Variants in RNF13 observed in about 807,000 individuals in gnomAD.
The protein encoded by RNF13 is ring finger protein 13.
RNF13 carries 19 observed loss-of-function variants against 37.7 expected under a neutral mutation model. The observed-to-expected ratio is 0.50, with a 90% CI of 0.35 to 0.74. The LOEUF (loss-of-function observed/expected upper bound fraction) is 0.74, where lower values mean the gene tolerates loss of function less well. Among genes scored for constraint, RNF13 ranks in the 30% least tolerant of loss-of-function variants. RNF13 has a pLI of 0.01. For missense variants in RNF13, 375 were observed against 453.0 expected, an observed-to-expected ratio of 0.83 and a Z score of 1.56; for synonymous variants, 144 against 157.8, an observed-to-expected ratio of 0.91 and a Z score of 0.65.
intron 2 of RNF13, among the ~76,000 whole-genome samples, chr3:149,850,032 T>TCA (rs1251655771): frequency 6.6e-6 from 1 of 151,940 alleles, no homozygotes; most frequent in African/African-American, 2.4e-5. Context: ...CAAGCTGTTG[T>TCA]GCAGTGGCGC....
intron 3 of RNF13, among the ~76,000 whole-genome samples, chr3:149,854,289 A>G (rs184709998): frequency 2.0e-3 from 306 of 152,340 alleles, no homozygotes; most frequent in Admixed American, 2.9e-3. Context: ...AGTAATATAC[A>G]TAAGAAAAAG....
intron 3 of RNF13, among the ~76,000 whole-genome samples, chr3:149,853,441 TGAGAGAGAGAGAGG>T (rs1461846937): frequency 5.4e-5 from 7 of 130,740 alleles, no homozygotes; most frequent in Non-Finnish European, 8.1e-5. Context: ...GCTGTGTGTG[TGAGAGAGAGAGAGG>T]GAGAGAGAGA....
At chr3:149,925,875 C>T (rs1418063714) in intron 8 of RNF13, among the ~76,000 whole-genome samples, 1 of 152,156 alleles carries the variant, frequency 6.6e-6, no homozygotes, top group African/African-American at 2.4e-5. Flanking sequence ...TTATCCAATA[C>T]TTTGTACTGA....
intron 3 of RNF13, among the ~76,000 whole-genome samples, chr3:149,865,896 G>C (rs1724764657): frequency 6.6e-6 from 1 of 152,134 alleles, no homozygotes; most frequent in Admixed American, 6.5e-5. Flanking sequence ...TGAGTCTATA[G>C]AGTAAAGTGA....
At chr3:149,845,549 G>C (rs879870107) in intron 1 of RNF13, among the ~76,000 whole-genome samples, 5 of 151,788 alleles carry the variant, frequency 3.3e-5, no homozygotes, top group Non-Finnish European at 7.4e-5. Flanking sequence ...CTCTGATGTT[G>C]GTACAATATA....
rs555927643 is a variant in RNF13, at chr3:149,823,383, A to C, written c.-17+10030A>C. On this transcript the variant is annotated intron_variant, in intron 1 of 9. Transcript: ENST00000392894. ...GTCATTTATAATTTCACCTAACACC[A>C]ACAAAAGACCAAAAAAGGAGAATCG... 2.0e-5 allele frequency among the ~76,000 whole-genome samples: 3 copies of C among 152,280 alleles called. No homozygotes were observed. In the East Asian group the frequency reaches 5.8e-4, roughly 29 times the overall value.
At chr3:149,861,081 C>A (rs951760451) in intron 3 of RNF13, among the ~76,000 whole-genome samples, 10 of 151,846 alleles carry the variant, frequency 6.6e-5, no homozygotes, top group Admixed American at 2.6e-4. Context: ...TCCAGTTAGG[C>A]TGACTATCAT....
At chr3:149,836,758 T>C (rs1721666121) in intron 1 of RNF13, among the ~76,000 whole-genome samples, 1 of 152,124 alleles carries the variant, frequency 6.6e-6, no homozygotes, top group Non-Finnish European at 1.5e-5. Context: ...CAAGTGTCAA[T>C]TGAGAGATGA....
At chr3:149,816,065 T>A (rs911500672) in intron 1 of RNF13, among the ~76,000 whole-genome samples, 7 of 67,088 alleles carry the variant, frequency 1.0e-4, no homozygotes, top group Non-Finnish European at 2.2e-4. Flanking sequence ...GCTAATTAAA[T>A]TTTTTTTTTT....
chr3:149,939,834 G>A, intron 8 of RNF13: 1 of 518,162 alleles, frequency 1.9e-6, no homozygotes, highest in Middle Eastern at 6.3e-4. Context: ...AGAGAAGGTG[G>A]ACAGAGATAA....
intron 1 of RNF13, chr3:149,813,893 T>G (rs1246892894): frequency 1.3e-5 from 2 of 152,210 alleles, no homozygotes; most frequent in Non-Finnish European, 1.5e-5. Flanking sequence ...TGACTTGACT[T>G]GACTTGCACT....
intron 8 of RNF13, among the ~76,000 whole-genome samples, chr3:149,922,093 C>T (rs892543190): frequency 2.0e-5 from 3 of 152,150 alleles, no homozygotes; most frequent in Non-Finnish European, 4.4e-5. Context: ...CCTGCCTCAG[C>T]CTTCCGAGTA....
At chr3:149,947,099 G>A (rs1405673770) in intron 8 of RNF13, among the ~76,000 whole-genome samples, 1 of 151,854 alleles carries the variant, frequency 6.6e-6, no homozygotes, top group African/African-American at 2.4e-5. Flanking sequence ...CTATTGATTT[G>A]TAGTTTCATT....
chr3:149,816,775 G>A (rs887529363), intron 1 of RNF13, among the ~76,000 whole-genome samples: 5 of 152,172 alleles, frequency 3.3e-5, no homozygotes, highest in African/African-American at 1.2e-4. Flanking sequence ...TCTCTTTATG[G>A]ATAATAATTT....
chr3:149,849,468 G>A (rs1461094260), intron 2 of RNF13, among the ~76,000 whole-genome samples: 1 of 152,194 alleles, frequency 6.6e-6, no homozygotes, highest in Non-Finnish European at 1.5e-5. Flanking sequence ...TCCAGAAATG[G>A]ATTTATAATC....
chr3:149,852,568 GT>G lies in RNF13; in HGVS notation c.169del (p.Tyr57IlefsTer8). On this transcript the variant is annotated frameshift_variant, in exon 3 of 10. Transcript: ENST00000392894. LOFTEE classifies it high-confidence loss of function. ...QTFDDLPARFGYRLPAEGLKG... is the reference protein window; with the variant it reads ...QTFDDLPARFXYRLPAEGLKG... ...TTTGATGACCTCCCTGCAAGATTTG[GT>G]TATAGACTTCCAGCTGAAGGTTTAA... 1 of 1,563,746 alleles carries G rather than the reference GT, an allele frequency of 6.4e-7. No homozygotes were observed. Among genetic ancestry groups the G allele is most frequent in the Non-Finnish European group, 8.7e-7 (1 of 1,149,200 alleles).
At chr3:149,887,116 C>A (rs1011628929) in intron 4 of RNF13, among the ~76,000 whole-genome samples, 21 of 152,238 alleles carry the variant, frequency 1.4e-4, no homozygotes, top group African/African-American at 4.3e-4. Flanking sequence ...CTTCTTCATT[C>A]CCCGCCCGCT....
At chr3:149,947,660 A>G (rs944086974) in intron 8 of RNF13, among the ~76,000 whole-genome samples, 1 of 152,134 alleles carries the variant, frequency 6.6e-6, no homozygotes, top group African/African-American at 2.4e-5. Context: ...TGGGCCTCCC[A>G]AAGTGCTGGA....
chr3:149,831,557 G>A (rs1208696464), intron 1 of RNF13, among the ~76,000 whole-genome samples: 1 of 152,164 alleles, frequency 6.6e-6, no homozygotes, highest in Admixed American at 6.5e-5. Context: ...TCCCCTCATT[G>A]TATCTAGGAA....
Sources: gnomAD v4.1 joint callset for allele counts (sites outside exome capture counted in the v4.1 genomes callset) on GRCh38, gnomAD v4.1.1 for gene constraint, MANE v1.5 for transcripts, NCBI Gene and HGNC (gene_info 2026-07-23, HGNC 2026-07-21) for gene names.